The following FARP1 variants were observed in gnomAD, a reference collection of about 807,000 sequenced individuals.
FARP1 encodes the protein FERM, ARH/RhoGEF and pleckstrin domain protein 1.
Under a neutral mutation model 128.8 loss-of-function variants are expected in FARP1, and 52 were observed. The observed-to-expected ratio is 0.40, with a 90% CI of 0.32 to 0.51. FARP1 has a LOEUF of 0.51. Among genes scored for constraint, FARP1 ranks in the 20% least tolerant of loss-of-function variants. FARP1 has a pLI of 0.45. For synonymous variants in FARP1, 580 were observed against 551.8 expected (o/e 1.05, Z -0.72); for missense variants, 1,333 against 1,367.9 (o/e 0.97, Z 0.40).
At chr13:98,308,774 TCCTC>T (rs1354789283) in intron 2 of FARP1, among the ~76,000 whole-genome samples, 4 of 152,132 alleles carry the variant, frequency 2.6e-5, no homozygotes, top group Admixed American at 2.6e-4. Flanking sequence ...GTTCAAGTGA[TCCTC>T]CCGCTGCAGC....
intron 2 of FARP1, among the ~76,000 whole-genome samples, chr13:98,311,429 T>G (rs1886454980): frequency 6.6e-6 from 1 of 152,258 alleles, no homozygotes; most frequent in Non-Finnish European, 1.5e-5. Context: ...TTGCTTCCTG[T>G]TAGGGCAATG....
intron 4 of FARP1, 23 bp from the exon 5 acceptor site, chr13:98,368,094 C>T (rs780542535): frequency 4.8e-5 from 76 of 1,595,148 alleles, no homozygotes; most frequent in Non-Finnish European, 6.0e-5. Flanking sequence ...AAATGCTTTA[C>T]TTCTTTTTTT....
At chr13:98,391,932 T>TTTAAAAATTACAATAAAG (rs1447405240) in intron 11 of FARP1, among the ~76,000 whole-genome samples, 1 of 152,172 alleles carries the variant, frequency 6.6e-6, no homozygotes, top group Non-Finnish European at 1.5e-5. Context: ...TTTTCATACA[T>TTTAAAAATTACAATAAAG]TTAAAAATTA....
intron 13 of FARP1, among the ~76,000 whole-genome samples, chr13:98,407,784 T>C (rs958434271): frequency 6.6e-6 from 1 of 152,216 alleles, no homozygotes; most frequent in African/African-American, 2.4e-5. Flanking sequence ...TGCTGCTGAC[T>C]GCTCAACCTG....
intron 3 of FARP1, among the ~76,000 whole-genome samples, chr13:98,344,322 G>C (rs1316652576): frequency 2.6e-5 from 4 of 152,142 alleles, no homozygotes; most frequent in African/African-American, 9.7e-5. Context: ...ATGGATTCCA[G>C]AGGTGGGGTT....
intron 2 of FARP1, among the ~76,000 whole-genome samples, chr13:98,279,663 T>C (rs1442141023): frequency 6.6e-6 from 1 of 152,170 alleles, no homozygotes; most frequent in African/African-American, 2.4e-5. Context: ...GAGAGGAGCT[T>C]GGGTGGGGCC....
intron 2 of FARP1, among the ~76,000 whole-genome samples, chr13:98,232,130 T>G: frequency 7.1e-6 from 1 of 140,894 alleles, no homozygotes; most frequent in African/African-American, 2.8e-5. Flanking sequence ...GTGCCCGGCT[T>G]TTTTTGTTTG....
intron 2 of FARP1, among the ~76,000 whole-genome samples, chr13:98,293,630 A>T (rs527901008): frequency 1.3e-5 from 2 of 152,296 alleles, no homozygotes; most frequent in Non-Finnish European, 1.5e-5. Flanking sequence ...AGTGTAAGGA[A>T]TCGAAATTTC....
chr13:98,393,771 A>G (rs1445863425), intron 12 of FARP1, 53 bp downstream of exon 12: 47 of 1,377,276 alleles, frequency 3.4e-5, no homozygotes, highest in Non-Finnish European at 4.8e-5. Context: ...CACTTCCTCC[A>G]CGGAGCCCTG....
intron 1 of FARP1, among the ~76,000 whole-genome samples, chr13:98,189,074 A>T (rs1381959690): frequency 6.6e-6 from 1 of 151,990 alleles, no homozygotes; most frequent in African/African-American, 2.4e-5. Context: ...ACTTCCCATG[A>T]TGTCCCCAGT....
chr13:98,247,840 G>A (rs1883143898), intron 2 of FARP1, among the ~76,000 whole-genome samples: 1 of 152,198 alleles, frequency 6.6e-6, no homozygotes, highest in Admixed American at 6.5e-5. Flanking sequence ...TCTTCACAAA[G>A]TGAATGCCAC....
intron 2 of FARP1, among the ~76,000 whole-genome samples, chr13:98,308,107 C>T (rs1231319021): frequency 5.5e-5 from 8 of 146,760 alleles, no homozygotes; most frequent in East Asian, 4.0e-4. Context: ...GTGAAACCCA[C>T]GGAATTTATC....
chr13:98,448,081 CCTGGGT>C (rs1892968320), intron 26 of FARP1, 149 bp from the exon 27 acceptor site: 1 of 668,092 alleles, frequency 1.5e-6, no homozygotes, highest in Admixed American at 2.2e-5. Context: ...CTCAGGAACG[CCTGGGT>C]GCTGGCTGTT....
chr13:98,442,734 T>G (rs118015615), intron 24 of FARP1, among the ~76,000 whole-genome samples: 2,101 of 152,334 alleles, frequency 0.014, 27 homozygotes, highest in Non-Finnish European at 0.023. Context: ...GAACCCGTGA[T>G]AGGCTCATGG....
intron 2 of FARP1, among the ~76,000 whole-genome samples, chr13:98,335,877 A>G (rs1467185369): frequency 1.3e-5 from 2 of 152,176 alleles, no homozygotes; most frequent in East Asian, 1.9e-4. Flanking sequence ...GAGACCAGCC[A>G]TTCCCTTCTA....
chr13:98,423,601 G>C (rs77995341), intron 16 of FARP1, among the ~76,000 whole-genome samples: 1 of 152,184 alleles, frequency 6.6e-6, no homozygotes, highest in African/African-American at 2.4e-5. Flanking sequence ...ACGGTTAGGC[G>C]TGTGGCCTGG....
intron 2 of FARP1, among the ~76,000 whole-genome samples, chr13:98,232,151 T>TTTTTTG (rs1882164919): frequency 6.9e-6 from 1 of 145,806 alleles, no homozygotes; most frequent in Admixed American, 6.8e-5. Context: ...GTTGGTTTTT[T>TTTTTTG]TTTTTTTTTT....
At chr13:98,427,805 C>G (rs1241782783) in intron 17 of FARP1, among the ~76,000 whole-genome samples, 1 of 152,202 alleles carries the variant, frequency 6.6e-6, no homozygotes, top group Non-Finnish European at 1.5e-5. Context: ...TGTGCTGATG[C>G]CATGAGCGTT....
chr13:98,411,783 C>T (rs1891202370), intron 15 of FARP1, 118 bp from the exon 16 acceptor site: 2 of 1,101,384 alleles, frequency 1.8e-6, no homozygotes, highest in Non-Finnish European at 2.6e-6. Flanking sequence ...TGCCAAGAAC[C>T]TCGCAGGAAA....
Sources: allele counts gnomAD v4.1 joint callset (sites outside exome capture counted in the v4.1 genomes callset), GRCh38; gene constraint gnomAD v4.1.1; transcripts MANE v1.5; gene names NCBI Gene and HGNC (gene_info 2026-07-23, HGNC 2026-07-21).